The following CFAP46 variants were observed in gnomAD, a reference collection of about 807,000 sequenced individuals.
CFAP46 encodes the protein cilia- and flagella-associated protein 46.
A neutral mutation model predicts 325.7 loss-of-function variants in CFAP46; 245 were observed. That is an observed-to-expected ratio of 0.75 (90% CI 0.68 to 0.84). The LOEUF (loss-of-function observed/expected upper bound fraction) is 0.84. CFAP46 is among the 40% of genes least tolerant of loss of function. CFAP46 has a pLI of 0.00. For missense variants in CFAP46, 3,346 were observed against 3,543.0 expected (o/e 0.94, Z 1.41); for synonymous variants, 1,523 against 1,495.9 (o/e 1.02, Z -0.42).
chr10:132,877,029 C>A lies in CFAP46; in HGVS notation c.4213-68G>T. ...TGAAACAGCAGACACCCCCGGCCCA[C>A]CGGCATGGCTGTGCAGCATTCAGGC... On this transcript the variant is annotated intron_variant, in intron 30 of 57. Transcript: ENST00000368586. The surrounding 1 kb of genome is among the most constrained non-coding windows in gnomAD (Gnocchi z 5.7). 1 of 1,485,466 alleles carries A rather than the reference C, an allele frequency of 6.7e-7. No individual in the cohort carries two copies. Among genetic ancestry groups the A allele is most frequent in the Non-Finnish European group, 9.1e-7 (1 of 1,102,974 alleles). The allele number at this position is 1,485,466 out of a possible 1,614,324, so 92.0% of individuals were successfully genotyped here. A position where few individuals can be genotyped will look rare whatever the true frequency, so the allele number is the denominator to read the frequency against.
intron 57 of CFAP46, among the ~76,000 whole-genome samples, chr10:132,809,759 G>A (rs185401759): frequency 6.5e-4 from 99 of 152,276 alleles, no homozygotes; most frequent in African/African-American, 2.2e-3. Flanking sequence ...TCTGAAGGAC[G>A]GCTGGGTGGG....
chr10:132,931,341 ACTCCCCACGCAGAGCCTGGGCTTTCCTC>A (rs1849897841), intron 8 of CFAP46, among the ~76,000 whole-genome samples: 1 of 58,316 alleles, frequency 1.7e-5, no homozygotes, highest in Non-Finnish European at 3.3e-5. Context: ...CCTTCCCCAC[ACTCCCCACGCAGAGCCTGGGCTTTCCTC>A]CTCCCCACAC....
chr10:132,914,974 T>C (rs1056612890), intron 17 of CFAP46, among the ~76,000 whole-genome samples: 2 of 152,220 alleles, frequency 1.3e-5, no homozygotes, highest in Non-Finnish European at 2.9e-5. Flanking sequence ...CAGGGAGCCG[T>C]CACACCGAGC....
intron 43 of CFAP46, 112 bp from the exon 44 acceptor site, chr10:132,846,339 C>A (rs1247653085): frequency 1.5e-6 from 2 of 1,340,546 alleles, no homozygotes; most frequent in Non-Finnish European, 2.0e-6. Flanking sequence ...TGGGCTGGCT[C>A]TCCTGGCAAG....
chr10:132,815,036 G>C, intron 50 of CFAP46, 122 bp from the exon 51 acceptor site: 1 of 890,590 alleles, frequency 1.1e-6, no homozygotes, highest in Non-Finnish European at 1.8e-6. Context: ...AACAAGTTGT[G>C]AGAACAAGCG....
chr10:132,862,510 G>C (rs1236781646), intron 35 of CFAP46, among the ~76,000 whole-genome samples: 1 of 152,090 alleles, frequency 6.6e-6, no homozygotes, highest in African/African-American at 2.4e-5. Context: ...GGGAGGGGCA[G>C]AGCCCTGTCC....
intron 7 of CFAP46, among the ~76,000 whole-genome samples, chr10:132,936,592 A>C (rs1850011168): frequency 1.5e-5 from 2 of 132,688 alleles, no homozygotes; most frequent in Admixed American, 7.6e-5. Flanking sequence ...GCCCCCAAAT[A>C]CACTGTGATC....
intron 28 of CFAP46, 53 bp from the exon 29 acceptor site, chr10:132,879,684 G>A: frequency 2.1e-6 from 3 of 1,435,708 alleles, no homozygotes; most frequent in East Asian, 5.1e-5. Flanking sequence ...GGGTCTGTGG[G>A]CCCCAGGCCA....
At chr10:132,855,050 G>A (rs888503563) in intron 39 of CFAP46, among the ~76,000 whole-genome samples, 3 of 151,226 alleles carry the variant, frequency 2.0e-5, no homozygotes, top group Admixed American at 6.6e-5. Flanking sequence ...TTGGTTGGTA[G>A]TGTTGTTCAA....
Position 132,877,017 on chromosome 10 carries a change from A to AC in CFAP46, c.4213-57dup. 1.3e-6 allele frequency: 2 copies of AC among 1,511,848 alleles called. No individual in the cohort carries two copies. The highest frequency in any genetic ancestry group is 2.6e-5 in the South Asian group (2 of 77,822). The allele number at this position is 1,511,848 out of a possible 1,614,324, so 93.7% of individuals were successfully genotyped here. ...AAACGGTGGAGGTGAAACAGCAGAC[A>AC]CCCCCGGCCCACCGGCATGGCTGTG... On this transcript the variant is annotated intron_variant, in intron 30 of 57. Transcript: ENST00000368586. The surrounding 1 kb of genome is among the most constrained non-coding windows in gnomAD (Gnocchi z 5.7).
At chr10:132,912,876 C>T in intron 18 of CFAP46, 56 bp from the exon 19 acceptor site, 2 of 1,535,184 alleles carry the variant, frequency 1.3e-6, no homozygotes, top group South Asian at 1.2e-5. Flanking sequence ...CGCCCCGATC[C>T]CATGTGCTGA....
rs1310307974 is a variant in CFAP46 at position 132,834,121 on chromosome 10, A to G, written c.6869T>C (p.Val2290Ala). 1.2e-6 allele frequency: 2 copies of G among 1,613,958 alleles called. No homozygotes were observed. Among genetic ancestry groups the G allele is most frequent in the Admixed American group, 1.7e-5 (1 of 60,024 alleles). Reference sequence around the variant, plus strand: ...ATCGGCAACAACCGCAGGTGTCTGCACTCTGAAAGTCAGGTTATATATTCG... The same window carrying G: ...ATCGGCAACAACCGCAGGTGTCTGCGCTCTGAAAGTCAGGTTATATATTCG... Reference protein sequence around the residue: ...FPLLSLSKARVQTPAVVADSG... With the variant: ...FPLLSLSKARAQTPAVVADSG... Residue 2290 changes from valine to alanine, a missense_variant and splice_region_variant, in exon 49 of 58, where the codon GTG becomes GCG. Coordinates refer to ENST00000368586, the MANE Select transcript of CFAP46 (RefSeq NM_001200049.3).
chr10:132,808,482 G>A lies in CFAP46; in HGVS notation c.8087C>T (p.Ala2696Val), dbSNP rs775170793. The A allele has an allele frequency of 1.8e-5, 29 of 1,613,120 alleles. 1 individual carries two copies. The Admixed American group carries it at 2.5e-4, about 14-fold the overall frequency. Residue 2696 changes from alanine to valine, a missense_variant, in exon 58 of 58, where the codon GCG becomes GTG. Coordinates refer to ENST00000368586, the MANE Select transcript of CFAP46 (RefSeq NM_001200049.3). This position sits in a 1 kb window ranked among gnomAD's most constrained non-coding sequence, Gnocchi z 6.8. ...CTGGTCTAAGCAACTCAGCACCAGC[G>A]CCGCCAAGGGGAGGCCGCCCTTGTC... ...GQDKGGLPLA[A>V]LVLSCLDQKT... is the part of the protein sequence containing the mutation.
In CFAP46 at chr10:132,847,961, C is replaced by T. The variant is rs868521951; in HGVS notation, c.5953-640G>A. Among the ~76,000 whole-genome samples, 7 of 152,286 alleles carry T rather than the reference C, an allele frequency of 4.6e-5. No homozygotes were observed. Among genetic ancestry groups the T allele is most frequent in the East Asian group, 1.9e-4 (1 of 5,168 alleles). Reference sequence around the variant, plus strand: ...GAATGCAGGCAAAAACCAGCAAGCACGCTGGAGGCAGGGCAGCCGTGGCCA... The same window carrying T: ...GAATGCAGGCAAAAACCAGCAAGCATGCTGGAGGCAGGGCAGCCGTGGCCA... On this transcript the variant is annotated intron_variant, in intron 41 of 57. Transcript: ENST00000368586. The surrounding 1 kb of genome is among the most constrained non-coding windows in gnomAD (Gnocchi z 5.2).
At position 132,835,378 on chromosome 10, in the gene CFAP46, C is replaced by G; in HGVS notation, c.6670G>C (p.Ala2224Pro). ...TGCTTCCGGAACTGCTGGGCACAGG[C>G]CAGCAGGTGGGAGAAGGCAGTGGGA... ...ISPTAFSHLL[A>P]CAQQFRKQTQ... is the part of the protein sequence containing the mutation. Residue 2224 changes from alanine to proline, a missense_variant, in exon 47 of 58, where the codon GCC becomes CCC. Physicochemically the swap from Ala to Pro is conservative, Grantham distance 27. Coordinates refer to ENST00000368586, the MANE Select transcript of CFAP46 (RefSeq NM_001200049.3). The G allele has an allele frequency of 1.2e-6, 2 of 1,613,730 alleles. No individual in the cohort carries two copies. The highest frequency in any genetic ancestry group is 1.1e-5 in the South Asian group (1 of 91,088).
intron 22 of CFAP46, among the ~76,000 whole-genome samples, chr10:132,907,146 G>T (rs1849468661): frequency 6.6e-6 from 1 of 152,286 alleles, no homozygotes; most frequent in African/African-American, 2.4e-5. Context: ...CTTGCCTCCG[G>T]CAGGTGCTGC....
At chr10:132,903,761 T>C (rs1849420522) in intron 22 of CFAP46, among the ~76,000 whole-genome samples, 1 of 152,134 alleles carries the variant, frequency 6.6e-6, no homozygotes, top group Admixed American at 6.5e-5. Context: ...ATATTACACA[T>C]AATAAATATA....
rs530588398 is a variant in CFAP46 at position 132,827,017 on chromosome 10, C to A, written c.7117+6341G>T. On this transcript the variant is annotated intron_variant, in intron 50 of 57. Coordinates refer to ENST00000368586, the MANE Select transcript of CFAP46 (RefSeq NM_001200049.3). The surrounding 1 kb of genome is among the most constrained non-coding windows in gnomAD (Gnocchi z 5.7). ...TGGGCATTTTTCTAGAGCCATGGTG[C>A]ACTTCACTATCAAAAACGGTTTCCG... Among the ~76,000 whole-genome samples the A allele has an allele frequency of 6.6e-6, 1 of 152,258 alleles. No homozygotes were observed. Among genetic ancestry groups the A allele is most frequent in the Admixed American group, 6.5e-5 (1 of 15,300 alleles).
At chr10:132,925,589 CA>C (rs1849797934) in intron 10 of CFAP46, among the ~76,000 whole-genome samples, 2 of 152,378 alleles carry the variant, frequency 1.3e-5, no homozygotes, top group African/African-American at 2.4e-5. Context: ...GTGCAACAGC[CA>C]AAGCGTCTGG....
Sources: allele counts gnomAD v4.1 joint callset (sites outside exome capture counted in the v4.1 genomes callset), GRCh38; gene constraint gnomAD v4.1.1; non-coding constraint Gnocchi (gnomAD v3.1); transcripts MANE v1.5; gene names NCBI Gene and HGNC (gene_info 2026-07-23, HGNC 2026-07-21).